The following PAX8 variants were observed in gnomAD, a reference collection of about 807,000 sequenced individuals.
PAX8 encodes the protein paired box 8, also known as paired box protein Pax-8.
In PAX8, 15 loss-of-function variants were observed where a neutral mutation model predicts 52.4. The ratio of observed to expected loss-of-function variants is 0.29; its 90% CI spans 0.19 to 0.44. The LOEUF is 0.44. Ranked by LOEUF, PAX8 falls within the 20% of genes least tolerant of loss-of-function variation. The pLI, the probability that PAX8 is intolerant of heterozygous loss-of-function variation, is 1.00. For missense variants in PAX8, 554 were observed against 602.5 expected, an observed-to-expected ratio of 0.92 and a Z score of 0.84; for synonymous variants, 284 against 249.7, an observed-to-expected ratio of 1.14 and a Z score of -1.29.
At chr2:113,278,648 G>A (rs1693998507) in intron 1 of PAX8, 179 bp from the exon 2 acceptor site, 1 of 676,184 alleles carries the variant, frequency 1.5e-6, no homozygotes, top group Non-Finnish European at 2.4e-6. Flanking sequence ...GGAGGATCAA[G>A]GATTGGGAGT....
At chr2:113,264,917 G>A (rs1692946322) in intron 2 of PAX8, among the ~76,000 whole-genome samples, 1 of 152,206 alleles carries the variant, frequency 6.6e-6, no homozygotes, top group Admixed American at 6.5e-5. Context: ...TGACTAGCTG[G>A]CTGGAACATG....
In PAX8 at chr2:113,244,639, A is replaced by G. The variant is rs1192290030; in HGVS notation, c.192-15T>C. ...TCTCGTAGTACCTACTCCAATAGAG[A>G]ATCCCAAAGAATTACCCAATAAGCA... On this transcript the variant is annotated splice_polypyrimidine_tract_variant and intron_variant, in intron 3 of 11. Transcript: ENST00000429538. 1 of 1,611,774 alleles carries G rather than the reference A, an allele frequency of 6.2e-7. No homozygotes were observed. Among genetic ancestry groups the G allele is most frequent in the Admixed American group, 1.7e-5 (1 of 60,028 alleles).
chr2:113,249,560 G>A (rs1691599887), intron 2 of PAX8, among the ~76,000 whole-genome samples: 1 of 152,022 alleles, frequency 6.6e-6, no homozygotes, highest in Admixed American at 6.6e-5. Context: ...ATTCTGGGGT[G>A]GCATGAATTG....
chr2:113,254,061 A>G (rs976582597), intron 2 of PAX8, among the ~76,000 whole-genome samples: 42 of 152,348 alleles, frequency 2.8e-4, no homozygotes, highest in Admixed American at 2.0e-3. Flanking sequence ...GAATCAACTA[A>G]TAGCCTTTAT....
chr2:113,265,821 T>C (rs1266618673), intron 2 of PAX8: 2 of 152,212 alleles, frequency 1.3e-5, no homozygotes, highest in Non-Finnish European at 2.9e-5. Context: ...AGTTGAGTAA[T>C]AATGCTCTTT....
chr2:113,261,830 T>C (rs1692704821), intron 2 of PAX8, among the ~76,000 whole-genome samples: 1 of 152,088 alleles, frequency 6.6e-6, no homozygotes. Flanking sequence ...AGGTTTTTTT[T>C]TTTTTTTAGA....
intron 2 of PAX8, chr2:113,274,332 G>T (rs1303257263): frequency 6.6e-6 from 1 of 152,066 alleles, no homozygotes; most frequent in East Asian, 1.9e-4. Context: ...TAGAAAACTG[G>T]GGGTATCCCT....
rs758569322 is a variant in PAX8 at position 113,235,565 on chromosome 2, C to CGAAGGGT, written c.909_915dup (p.Ala306ThrfsTer15). Reference sequence around the variant, plus strand: ...ACCTCGGGGGTTTCCTGCTTTATGGCGAAGGGTGAGTGAGGATCTGCCGGA... The same window carrying CGAAGGGT: ...ACCTCGGGGGTTTCCTGCTTTATGGCGAAGGGTGAAGGGTGAGTGAGGATCTGCCGGA... On this transcript the variant is annotated frameshift_variant, in exon 9 of 12. Transcript: ENST00000429538. LOFTEE classifies it high-confidence loss of function. The CGAAGGGT allele has an allele frequency of 6.2e-7, 1 of 1,611,882 alleles. No individual in the cohort carries two copies.
In PAX8 at chr2:113,248,309, T is replaced by C. The variant is rs530746171; in HGVS notation, c.26-1390A>G. Among the ~76,000 whole-genome samples, 3 of 152,286 alleles carry C rather than the reference T, an allele frequency of 2.0e-5. No individual in the cohort carries two copies. In the East Asian group the frequency reaches 5.8e-4, roughly 29 times the overall value. ...TAAGGCTCAGATCAGGGCTGCTCCT[T>C]GAGGGGAGCCCTGTTCTGGGGCTAG... On this transcript the variant is annotated intron_variant, in intron 2 of 11. Transcript: ENST00000429538.
At chr2:113,226,688 T>G in intron 10 of PAX8, 1 of 1,107,496 alleles carries the variant, frequency 9.0e-7, no homozygotes, top group South Asian at 2.7e-5. Context: ...ATCATCATCA[T>G]CATCAATACC....
At position 113,242,091 on chromosome 2, in the gene PAX8, G is replaced by A. The variant is rs374579805; in HGVS notation, c.518C>T (p.Ser173Leu). The A allele has an allele frequency of 2.0e-5, 32 of 1,613,398 alleles. No homozygotes were observed. Among genetic ancestry groups the A allele is most frequent in the Admixed American group, 3.3e-5 (2 of 59,984 alleles). Residue 173 changes from serine (S) to leucine (L), a missense_variant, in exon 6 of 12, where the codon TCG becomes TTG. Transcript: ENST00000429538. ...GGAGTAGGTGGAGCCCAGGGAATCC[G>A]ACTGGGGTGACTCCGGGGGAGTTAC... ...SAVTPPESPQ[S>L]DSLGSTYSIN... is the part of the protein sequence containing the mutation.
At chr2:113,247,487 G>A (rs1372406869) in intron 2 of PAX8, among the ~76,000 whole-genome samples, 2 of 152,036 alleles carry the variant, frequency 1.3e-5, no homozygotes, top group Non-Finnish European at 2.9e-5. Flanking sequence ...CTCTGTCTGT[G>A]GACTTCTGGC....
At chr2:113,244,226 G>T (rs1691118275) in intron 4 of PAX8, among the ~76,000 whole-genome samples, 1 of 152,172 alleles carries the variant, frequency 6.6e-6, no homozygotes, top group African/African-American at 2.4e-5. Flanking sequence ...CAGGGGGAGG[G>T]TGCCCCATAG....
intron 10 of PAX8, among the ~76,000 whole-genome samples, chr2:113,221,856 C>T (rs577164731): frequency 7.9e-4 from 120 of 151,776 alleles, no homozygotes; most frequent in African/African-American, 2.8e-3. Context: ...AAGTCAATGA[C>T]GGACTGAGAA....
intron 7 of PAX8, chr2:113,240,843 C>CT (rs1297454000): frequency 6.3e-6 from 1 of 158,224 alleles, no homozygotes; most frequent in East Asian, 1.9e-4. Flanking sequence ...CTTCCCTGTC[C>CT]TTAAGGAGTC....
chr2:113,235,315 G>A (rs925909398), intron 9 of PAX8, 79 bp downstream of exon 9: 1 of 1,241,070 alleles, frequency 8.1e-7, no homozygotes. Flanking sequence ...AGGCCAGAGA[G>A]GGGGCTGGCG....
At chr2:113,235,692 G>T in intron 8 of PAX8, 110 bp from the exon 9 acceptor site, 2 of 826,678 alleles carry the variant, frequency 2.4e-6, no homozygotes, top group Non-Finnish European at 3.8e-6. Flanking sequence ...CGCGGGGCAG[G>T]CTCAGCTGCC....
intron 2 of PAX8, among the ~76,000 whole-genome samples, chr2:113,277,526 C>T (rs1693907269): frequency 6.6e-6 from 1 of 152,208 alleles, no homozygotes. Flanking sequence ...CATAAATCGC[C>T]TTCTCTGCGG....
intron 2 of PAX8, among the ~76,000 whole-genome samples, chr2:113,254,760 C>G (rs1692066989): frequency 6.6e-6 from 1 of 152,212 alleles, no homozygotes; most frequent in African/African-American, 2.4e-5. Context: ...CACAGAATTG[C>G]TTGCCATTCT....
Sources: allele counts gnomAD v4.1 joint callset (sites outside exome capture counted in the v4.1 genomes callset), GRCh38; gene constraint gnomAD v4.1.1; transcripts MANE v1.5; gene names NCBI Gene and HGNC (gene_info 2026-07-23, HGNC 2026-07-21).